Variants in SPAG16 observed in about 807,000 individuals in gnomAD.
The protein encoded by SPAG16 is sperm-associated antigen 16 protein.
In SPAG16, 86 loss-of-function variants were observed where a neutral mutation model predicts 80.4. The observed-to-expected ratio is 1.07, with a 90% CI of 0.90 to 1.28. The LOEUF is 1.28. SPAG16 is among the 50% of genes most tolerant of loss of function. The probability of loss-of-function intolerance (pLI) is 0.00; values close to 1 mark genes in which losing one functional copy is unlikely to be tolerated. For missense variants in SPAG16, 870 were observed against 765.3 expected, an observed-to-expected ratio of 1.14 and a Z score of -1.61; for synonymous variants, 294 against 265.9, an observed-to-expected ratio of 1.11 and a Z score of -1.03.
intron 10 of SPAG16, among the ~76,000 whole-genome samples, chr2:213,804,557 C>T (rs575750439): frequency 6.6e-6 from 1 of 152,272 alleles, no homozygotes; most frequent in African/African-American, 2.4e-5. Context: ...GTGGCAGGCG[C>T]CTGTAGTCCC....
At position 213,284,513 on chromosome 2, in the gene SPAG16, C is replaced by A; in HGVS notation, c.30C>A (p.Ser10=). The change falls in exon 1 of 16, where the codon TCC becomes TCA. Residue 10 remains serine, a synonymous_variant. Transcript: ENST00000331683. The part of the protein sequence containing the change: MAAQRGMPS[S]AVRVLEEALG... Reference sequence around the variant, plus strand: ...CTGCTCAGCGAGGGATGCCCAGCTCCGCCGTGAGGGTCCTGGAAGAGGCGT... The same window carrying A: ...CTGCTCAGCGAGGGATGCCCAGCTCAGCCGTGAGGGTCCTGGAAGAGGCGT... 1.3e-6 allele frequency: 2 copies of A among 1,582,816 alleles called. No individual in the cohort carries two copies. The highest frequency in any genetic ancestry group is 8.6e-7 in the Non-Finnish European group (1 of 1,164,856).
At chr2:214,070,450 TC>T (rs2050735109) in intron 13 of SPAG16, among the ~76,000 whole-genome samples, 1 of 152,098 alleles carries the variant, frequency 6.6e-6, no homozygotes, top group African/African-American at 2.4e-5. Flanking sequence ...TGTCATTCTT[TC>T]TCCACTGCTT....
At position 214,399,262 on chromosome 2, in the gene SPAG16, T is replaced by G. The variant is rs2126141465; in HGVS notation, c.1721-10878T>G. Among the ~76,000 whole-genome samples, 2 of 152,278 alleles carry G rather than the reference T, an allele frequency of 1.3e-5. 1 individual carries two copies. The highest frequency in any genetic ancestry group is 6.8e-3 in the Middle Eastern group (2 of 294). On this transcript the variant is annotated intron_variant, in intron 15 of 15. Coordinates refer to ENST00000331683, the MANE Select transcript of SPAG16 (RefSeq NM_024532.5). ...GCATTTGATATTGCAGCCATTCTTT[T>G]GCTCTTGTGAGGAGGGTATCCATCT...
chr2:213,870,115 C>G (rs1210326313), intron 11 of SPAG16, among the ~76,000 whole-genome samples: 4 of 152,162 alleles, frequency 2.6e-5, no homozygotes, highest in African/African-American at 7.2e-5. Context: ...GGCCATATAA[C>G]TGATCTCTGG....
intron 15 of SPAG16, among the ~76,000 whole-genome samples, chr2:214,316,842 C>T (rs190890162): frequency 6.6e-5 from 10 of 152,256 alleles, no homozygotes; most frequent in African/African-American, 9.6e-5. Flanking sequence ...GCCATTCTCA[C>T]GGATTCTATA....
intron 10 of SPAG16, among the ~76,000 whole-genome samples, chr2:213,796,417 T>A (rs527461432): frequency 1.3e-5 from 2 of 152,334 alleles, no homozygotes; most frequent in Admixed American, 6.5e-5. Context: ...CTGAATTATT[T>A]CATTGAGCAT....
chr2:213,666,582 C>T (rs1168822732), intron 10 of SPAG16, among the ~76,000 whole-genome samples: 1 of 152,136 alleles, frequency 6.6e-6, no homozygotes, highest in African/African-American at 2.4e-5. Flanking sequence ...TACTAATGTC[C>T]AATTGACAAG....
intron 14 of SPAG16, among the ~76,000 whole-genome samples, chr2:214,137,010 A>T (rs1315892562): frequency 6.6e-6 from 1 of 152,166 alleles, no homozygotes; most frequent in Non-Finnish European, 1.5e-5. Flanking sequence ...TGCATAGCAG[A>T]ATTTTAGAAA....
At chr2:213,621,877 T>C (rs1284007456) in intron 10 of SPAG16, among the ~76,000 whole-genome samples, 1 of 152,202 alleles carries the variant, frequency 6.6e-6, no homozygotes, top group Non-Finnish European at 1.5e-5. Flanking sequence ...CCTAACCTTC[T>C]GATGTAGTAT....
chr2:213,666,584 A>G (rs2063611880), intron 10 of SPAG16, among the ~76,000 whole-genome samples: 2 of 152,214 alleles, frequency 1.3e-5, no homozygotes, highest in African/African-American at 2.4e-5. Context: ...CTAATGTCCA[A>G]TTGACAAGTT....
At chr2:213,559,985 A>G (rs1217368629) in intron 10 of SPAG16, among the ~76,000 whole-genome samples, 1 of 152,122 alleles carries the variant, frequency 6.6e-6, no homozygotes, top group Non-Finnish European at 1.5e-5. Flanking sequence ...TGAGAGATTC[A>G]AAGATAAAAA....
intron 8 of SPAG16, among the ~76,000 whole-genome samples, chr2:213,366,912 T>C (rs915431976): frequency 3.0e-4 from 45 of 152,154 alleles, no homozygotes; most frequent in Admixed American, 6.5e-4. Flanking sequence ...ACATTAGATA[T>C]ATCTCCTAAT....
intron 12 of SPAG16, among the ~76,000 whole-genome samples, chr2:213,949,178 T>TTTTTTTTTTG (rs2079607199): frequency 5.2e-5 from 1 of 19,152 alleles, no homozygotes; most frequent in Non-Finnish European, 1.6e-4. Flanking sequence ...AGTTTTTTTT[T>TTTTTTTTTTG]TTTTTTTTTT....
intron 11 of SPAG16, among the ~76,000 whole-genome samples, chr2:213,902,604 C>T (rs888873110): frequency 6.6e-6 from 1 of 152,164 alleles, no homozygotes; most frequent in Non-Finnish European, 1.5e-5. Flanking sequence ...TATGGGAGTA[C>T]AATTCAAGAT....
intron 10 of SPAG16, among the ~76,000 whole-genome samples, chr2:213,564,420 G>T (rs960326775): frequency 1.3e-5 from 2 of 151,426 alleles, no homozygotes; most frequent in Non-Finnish European, 2.9e-5. Flanking sequence ...ACTTGAACCT[G>T]GGAGGCGGAG....
chr2:214,231,894 T>G (rs1688727335), intron 15 of SPAG16, among the ~76,000 whole-genome samples: 1 of 152,140 alleles, frequency 6.6e-6, no homozygotes, highest in Admixed American at 6.6e-5. Context: ...TTTTAAATGG[T>G]TTCTTTTATT....
At chr2:213,923,163 A>AT (rs1359318842) in intron 11 of SPAG16, among the ~76,000 whole-genome samples, 3 of 151,794 alleles carry the variant, frequency 2.0e-5, no homozygotes, top group Non-Finnish European at 4.4e-5. Context: ...GCCCTATCAG[A>AT]TGTGGCTCAC....
intron 10 of SPAG16, among the ~76,000 whole-genome samples, chr2:213,506,639 A>G (rs1035471972): frequency 1.3e-5 from 2 of 152,126 alleles, no homozygotes; most frequent in Non-Finnish European, 2.9e-5. Flanking sequence ...TTTGAAGACT[A>G]TTTATCACCT....
At chr2:213,970,916 C>T (rs2045011555) in intron 12 of SPAG16, among the ~76,000 whole-genome samples, 1 of 152,136 alleles carries the variant, frequency 6.6e-6, no homozygotes, top group African/African-American at 2.4e-5. Context: ...AGCATGACTA[C>T]AGTTTTCCTA....
Sources: gnomAD v4.1 joint callset for allele counts (sites outside exome capture counted in the v4.1 genomes callset) on GRCh38, gnomAD v4.1.1 for gene constraint, MANE v1.5 for transcripts, NCBI Gene and HGNC (gene_info 2026-07-23, HGNC 2026-07-21) for gene names.